Variants in COL11A1 observed in about 807,000 individuals in gnomAD.
COL11A1 encodes collagen type XI alpha 1 chain, also known as collagen alpha-1(XI) chain.
COL11A1 carries 74 observed loss-of-function variants against 265.2 expected under a neutral mutation model. The observed-to-expected ratio is 0.28, with a 90% confidence interval of 0.23 to 0.34. COL11A1 has a LOEUF of 0.34. COL11A1 is among the 10% of genes least tolerant of loss of function. The pLI is 1.00. For synonymous variants in COL11A1, 816 were observed against 727.6 expected, an observed-to-expected ratio of 1.12 and a Z score of -1.96; for missense variants, 2,165 against 2,263.6, an observed-to-expected ratio of 0.96 and a Z score of 0.88.
Position 102,898,961 on chromosome 1 carries a change from G to GTTTTTT in COL11A1, c.4119_4120insAAAAAA (p.Arg1373_Gln1374insLysLys). ...TTTACCTTAGCACCTTTTTCACCTT[G>GTTTTTT]TCTTCCCTCTGCACCTGCAGCTCCA... On this transcript the variant is annotated inframe_insertion, in exon 55 of 67. Transcript: ENST00000370096. The GTTTTTT allele has an allele frequency of 1.3e-6, 2 of 1,528,372 alleles. No individual in the cohort carries two copies. Among genetic ancestry groups the GTTTTTT allele is most frequent in the Non-Finnish European group, 1.8e-6 (2 of 1,128,154 alleles). The allele number at this position is 1,528,372 out of a possible 1,614,324, so 94.7% of individuals were successfully genotyped here.
chr1:103,072,525 T>A (rs189917683), intron 4 of COL11A1, among the ~76,000 whole-genome samples: 1 of 151,868 alleles, frequency 6.6e-6, no homozygotes, highest in Admixed American at 6.6e-5. Flanking sequence ...TTCTATGTGT[T>A]TACTTGCAAA....
chr1:102,932,191 T>C (rs186407539), intron 46 of COL11A1, among the ~76,000 whole-genome samples: 9,503 of 152,238 alleles, frequency 0.062, 340 homozygotes, highest in South Asian at 0.093. Flanking sequence ...CTAGTCTCGA[T>C]GGTCTTTACA....
intron 54 of COL11A1, 33 bp from the exon 55 acceptor site, chr1:102,899,027 T>C: frequency 1.5e-6 from 2 of 1,304,180 alleles, no homozygotes. Context: ...AAAATATGTA[T>C]CACATATAAA....
chr1:102,946,884 C>T lies in COL11A1; in HGVS notation c.3241G>A (p.Gly1081Ser). 3 of 1,613,566 alleles carry T rather than the reference C, an allele frequency of 1.9e-6. No individual in the cohort carries two copies. The highest frequency in any genetic ancestry group is 2.5e-6 in the Non-Finnish European group (3 of 1,179,862). The change falls in exon 42 of 67, where the codon GGT (glycine) becomes AGT (serine). Residue 1081 changes from glycine to serine, a missense_variant. Transcript: ENST00000370096. ...TTCTCTCCAGCTGGACCAGGAGGAC[C>T]CTGAGGTCCCGGGCGCCCTGGTAAA... Reference protein sequence around the residue: ...IGLPGRPGPQGPPGPAGEKGA... With the variant: ...IGLPGRPGPQSPPGPAGEKGA...
chr1:103,075,139 T>G (rs1671878097), intron 3 of COL11A1, among the ~76,000 whole-genome samples: 1 of 152,052 alleles, frequency 6.6e-6, no homozygotes, highest in African/African-American at 2.4e-5. Flanking sequence ...TAAGTAATAG[T>G]TTCCAAGTAC....
chr1:102,926,278 C>G (rs1024507754), intron 46 of COL11A1, among the ~76,000 whole-genome samples: 60 of 152,130 alleles, frequency 3.9e-4, no homozygotes, highest in African/African-American at 1.4e-3. Flanking sequence ...TGGAGAGATT[C>G]TGTTTTAAGG....
intron 46 of COL11A1, among the ~76,000 whole-genome samples, chr1:102,927,442 C>A: frequency 6.6e-6 from 1 of 152,204 alleles, no homozygotes; most frequent in East Asian, 1.9e-4. Flanking sequence ...TACGGCCAGG[C>A]GCAGTGGCTC....
chr1:102,888,691 A>C, intron 61 of COL11A1, 32 bp downstream of exon 61: 7 of 1,613,872 alleles, frequency 4.3e-6, no homozygotes, highest in Non-Finnish European at 5.9e-6. Flanking sequence ...GTTTCAATGC[A>C]AAATTAAATT....
At position 103,065,478 on chromosome 1, in the gene COL11A1, C is replaced by T. The variant is rs1193557913; in HGVS notation, c.651+9140G>A. On this transcript the variant is annotated intron_variant, in intron 4 of 66. Transcript: ENST00000370096. ...GAGCTTGCAATGAGCCCAGATCGCG[C>T]CACTACACTCCAGCCTGGGCGACAG... Among the ~76,000 whole-genome samples, 5 of 130,042 alleles carry T rather than the reference C, an allele frequency of 3.8e-5. No homozygotes were observed. The Admixed American group carries it at 5.0e-4, about 13-fold the overall frequency. The allele number at this position is 130,042 out of a possible 152,430, so 85.3% of individuals were successfully genotyped here.
Position 103,056,379 on chromosome 1 carries a change from C to A in COL11A1, c.651+18239G>T, listed in dbSNP as rs185591378. Reference sequence around the variant, plus strand: ...GAAATTAAAACTACCTATATGAGGTCTCCTAATAGCTTCTGAATTTATGTT... The same window carrying A: ...GAAATTAAAACTACCTATATGAGGTATCCTAATAGCTTCTGAATTTATGTT... On this transcript the variant is annotated intron_variant, in intron 4 of 66. Transcript: ENST00000370096. Among the ~76,000 whole-genome samples the A allele has an allele frequency of 2.9e-4, 44 of 152,282 alleles. No individual in the cohort carries two copies. In the East Asian group the frequency reaches 8.5e-3, roughly 29 times the overall value.
intron 1 of COL11A1, among the ~76,000 whole-genome samples, chr1:103,093,862 A>G (rs1418244489): frequency 6.6e-6 from 1 of 152,124 alleles, no homozygotes; most frequent in Non-Finnish European, 1.5e-5. Context: ...ATGGGGTCAT[A>G]AGGATTTTTA....
At chr1:103,048,094 G>A (rs577077550) in intron 4 of COL11A1, among the ~76,000 whole-genome samples, 1 of 152,140 alleles carries the variant, frequency 6.6e-6, no homozygotes, top group Non-Finnish European at 1.5e-5. Context: ...CCAGGCTTTG[G>A]TATCAGGATG....
chr1:103,043,350 T>C (rs545103006), intron 4 of COL11A1, among the ~76,000 whole-genome samples: 1 of 151,632 alleles, frequency 6.6e-6, no homozygotes, highest in East Asian at 1.9e-4. Context: ...AGGTATAGCA[T>C]CTCTACAAGA....
intron 46 of COL11A1, among the ~76,000 whole-genome samples, chr1:102,933,143 G>A (rs1414701491): frequency 7.3e-5 from 11 of 150,158 alleles, no homozygotes; most frequent in East Asian, 2.0e-4. Context: ...GAGGAACTGC[G>A]TTCCTTTGGA....
intron 4 of COL11A1, among the ~76,000 whole-genome samples, chr1:103,062,489 G>C (rs1325708133): frequency 6.6e-6 from 1 of 151,790 alleles, no homozygotes; most frequent in Admixed American, 6.6e-5. Context: ...ATAGTCAAGT[G>C]GAATTTATCC....
intron 36 of COL11A1, among the ~76,000 whole-genome samples, chr1:102,973,174 C>G (rs755122745): frequency 6.6e-6 from 1 of 152,008 alleles, no homozygotes; most frequent in African/African-American, 2.4e-5. Context: ...ATTTCATGCT[C>G]TAATGTTTCA....
intron 9 of COL11A1, 36 bp downstream of exon 9, chr1:103,021,671 T>G: frequency 7.0e-7 from 1 of 1,435,868 alleles, no homozygotes; most frequent in Admixed American, 1.7e-5. Context: ...TAAGCAATTT[T>G]ACCAACCTTT....
Position 103,003,053 on chromosome 1 carries a change from A to G in COL11A1, c.1998+162T>C, listed in dbSNP as rs2251895. 0.92 allele frequency among the ~76,000 whole-genome samples: 139,757 copies of G among 152,118 alleles called. 64,639 individuals carry two copies. Among genetic ancestry groups the G allele is most frequent in the East Asian group, 1 (5,170 of 5,170 alleles). On this transcript the variant is annotated intron_variant, in intron 21 of 66. Coordinates refer to ENST00000370096, the MANE Select transcript of COL11A1 (RefSeq NM_001854.4). ...TAGATAATCAAAAGGAAGATAGAAG[A>G]AAAGGAGGGAATGATGAGTTAAAGT...
At chr1:103,049,738 C>A (rs1467827555) in intron 4 of COL11A1, among the ~76,000 whole-genome samples, 2 of 152,226 alleles carry the variant, frequency 1.3e-5, no homozygotes, top group African/African-American at 4.8e-5. Flanking sequence ...TGGCTGATAC[C>A]GATTTTTCCT....
Sources: gnomAD v4.1 joint callset for allele counts (sites outside exome capture counted in the v4.1 genomes callset) on GRCh38, gnomAD v4.1.1 for gene constraint, MANE v1.5 for transcripts, NCBI Gene and HGNC (gene_info 2026-07-23, HGNC 2026-07-21) for gene names.